The following SPEF2 variants were observed in gnomAD, a reference collection of about 807,000 sequenced individuals.
The protein encoded by SPEF2 is sperm flagella and cilia-associated protein 2.
A neutral mutation model predicts 224.6 loss-of-function variants in SPEF2; 187 were observed. The ratio of observed to expected loss-of-function variants is 0.83; its 90% confidence interval spans 0.74 to 0.94. The LOEUF (loss-of-function observed/expected upper bound fraction) is 0.94, where lower values mean the gene tolerates loss of function less well. SPEF2 is among the 40% of genes least tolerant of loss of function. SPEF2 has a pLI of 0.00. For missense variants in SPEF2, 2,170 were observed against 2,135.6 expected, an observed-to-expected ratio of 1.02 and a Z score of -0.32; for synonymous variants, 715 against 707.3, an observed-to-expected ratio of 1.01 and a Z score of -0.17.
intron 33 of SPEF2, among the ~76,000 whole-genome samples, chr5:35,797,330 G>GTGTC (rs1756813131): frequency 1.3e-5 from 2 of 149,326 alleles, no homozygotes; most frequent in Non-Finnish European, 3.0e-5. Context: ...GTGTGTGTGT[G>GTGTC]TGTGTGTGTG....
intron 2 of SPEF2, among the ~76,000 whole-genome samples, chr5:35,629,170 T>C (rs1186566849): frequency 2.1e-5 from 3 of 142,130 alleles, no homozygotes; most frequent in Non-Finnish European, 4.6e-5. Flanking sequence ...TTTTTTTTTT[T>C]TTTTTTTGAG....
chr5:35,622,664 A>G (rs1480363773), intron 1 of SPEF2, among the ~76,000 whole-genome samples: 1 of 152,222 alleles, frequency 6.6e-6, no homozygotes, highest in East Asian at 1.9e-4. Context: ...CAGAATCATT[A>G]GAAAATCTAT....
intron 2 of SPEF2, among the ~76,000 whole-genome samples, chr5:35,633,707 C>T (rs1272283315): frequency 6.6e-6 from 1 of 151,754 alleles, no homozygotes; most frequent in East Asian, 1.9e-4. Flanking sequence ...TCTACTACTG[C>T]CTTCTTTAGT....
At position 35,639,740 on chromosome 5, in the gene SPEF2, C is replaced by A. The variant is rs576092212; in HGVS notation, c.162-1691C>A. 7.3e-5 allele frequency among the ~76,000 whole-genome samples: 11 copies of A among 151,320 alleles called. No homozygotes were observed. The East Asian group carries it at 1.6e-3, about 22-fold the overall frequency. On this transcript the variant is annotated intron_variant, in intron 2 of 36. Transcript: ENST00000356031. ...CTACTTACCTGTAAGAAGAGGTATT[C>A]CCTCACCAGATGGCAAGAAGGGAAG...
intron 36 of SPEF2, among the ~76,000 whole-genome samples, chr5:35,813,500 AT>A (rs1293474357): frequency 1.3e-5 from 2 of 152,210 alleles, no homozygotes; most frequent in African/African-American, 2.4e-5. Flanking sequence ...TCTAAAAAAA[AT>A]AAATAATAAA....
chr5:35,694,231 G>A, intron 12 of SPEF2, 57 bp from the exon 13 acceptor site: 1 of 1,323,654 alleles, frequency 7.6e-7, no homozygotes, highest in Non-Finnish European at 1.1e-6. Context: ...AAATTAGGAG[G>A]ATTATTAAAA....
Position 35,799,951 on chromosome 5 carries a change from AT to A in SPEF2, c.4831-15del, listed in dbSNP as rs1259162758. ...AGAGTGCACCCATTTTATCTTTGGA[AT>A]TCTTTTTGTGTGCAGTTTTTCTTTA... On this transcript the variant is annotated splice_polypyrimidine_tract_variant and intron_variant, in intron 33 of 36. Coordinates refer to ENST00000356031, the MANE Select transcript of SPEF2 (RefSeq NM_024867.4). The A allele has an allele frequency of 6.2e-7, 1 of 1,613,246 alleles. No homozygotes were observed. The highest frequency in any genetic ancestry group is 8.5e-7 in the Non-Finnish European group (1 of 1,179,548).
intron 7 of SPEF2, among the ~76,000 whole-genome samples, chr5:35,656,279 C>T (rs1457262048): frequency 6.6e-6 from 1 of 152,098 alleles, no homozygotes; most frequent in Non-Finnish European, 1.5e-5. Flanking sequence ...TGCTTGTTCG[C>T]TGAAAGGAAA....
At chr5:35,620,318 C>T (rs2112113042) in intron 1 of SPEF2, among the ~76,000 whole-genome samples, 1 of 152,222 alleles carries the variant, frequency 6.6e-6, no homozygotes, top group African/African-American at 2.4e-5. Flanking sequence ...CAGGCAATTT[C>T]TGGGTAAGGG....
chr5:35,792,277 A>G (rs1756075901), intron 30 of SPEF2, 63 bp from the exon 31 acceptor site: 1 of 1,289,542 alleles, frequency 7.8e-7, no homozygotes, highest in Non-Finnish European at 1.1e-6. Context: ...CTTCTATTTT[A>G]GCAAAAGAAG....
chr5:35,670,607 AC>A (rs769316752), intron 10 of SPEF2: 2 of 986,222 alleles, frequency 2.0e-6, no homozygotes, highest in Non-Finnish European at 2.4e-6. Flanking sequence ...TAAATAATAG[AC>A]TTTTTTTACA....
chr5:35,670,486 T>G (rs1751087495), intron 10 of SPEF2: 1 of 1,090,104 alleles, frequency 9.2e-7, no homozygotes, highest in South Asian at 4.3e-5. Context: ...GGTAGACAGA[T>G]TTCAGAATTT....
chr5:35,754,196 T>C (rs1750106260), intron 24 of SPEF2, among the ~76,000 whole-genome samples: 1 of 152,192 alleles, frequency 6.6e-6, no homozygotes, highest in South Asian at 2.1e-4. Context: ...AATACTGGAC[T>C]AGAAAAACAG....
intron 2 of SPEF2, among the ~76,000 whole-genome samples, chr5:35,633,864 T>C (rs1344488410): frequency 6.6e-6 from 1 of 152,056 alleles, no homozygotes; most frequent in African/African-American, 2.4e-5. Context: ...AATCAAACTA[T>C]TCAGATTAAT....
intron 21 of SPEF2, among the ~76,000 whole-genome samples, chr5:35,733,902 C>G (rs1746092677): frequency 6.6e-6 from 1 of 152,120 alleles, no homozygotes; most frequent in South Asian, 2.1e-4. Flanking sequence ...ATTGCCTCAT[C>G]TTTAAATAGT....
At chr5:35,664,715 A>G (rs1431281867) in intron 8 of SPEF2, among the ~76,000 whole-genome samples, 3 of 142,816 alleles carry the variant, frequency 2.1e-5, no homozygotes, top group East Asian at 4.7e-4. Flanking sequence ...AGAGAGAGAG[A>G]GAGGGAGGGA....
At chr5:35,695,438 G>A (rs535766658) in intron 13 of SPEF2, among the ~76,000 whole-genome samples, 1 of 152,028 alleles carries the variant, frequency 6.6e-6, no homozygotes, top group South Asian at 2.1e-4. Context: ...AACCCCGACT[G>A]TGTTAAAGTA....
chr5:35,715,079 C>T (rs879754216), intron 20 of SPEF2, among the ~76,000 whole-genome samples: 1 of 151,830 alleles, frequency 6.6e-6, no homozygotes, highest in East Asian at 1.9e-4. Flanking sequence ...CCACGCCTGG[C>T]TAATTTTTGT....
chr5:35,665,068 A>G (rs1441245129), intron 8 of SPEF2, among the ~76,000 whole-genome samples: 3 of 152,180 alleles, frequency 2.0e-5, no homozygotes, highest in African/African-American at 7.2e-5. Context: ...CTTTGAGTCA[A>G]GCATTGTACT....
Sources: allele counts gnomAD v4.1 joint callset (sites outside exome capture counted in the v4.1 genomes callset), GRCh38; gene constraint gnomAD v4.1.1; transcripts MANE v1.5; gene names NCBI Gene and HGNC (gene_info 2026-07-23, HGNC 2026-07-21).